ANKS1B: variants seen among roughly 807,000 people sequenced by gnomAD.
ANKS1B encodes ankyrin repeat and sterile alpha motif domain containing 1B, also known as ankyrin repeat and sterile alpha motif domain-containing protein 1B.
Under a neutral mutation model 148.3 loss-of-function variants are expected in ANKS1B, and 36 were observed. The observed-to-expected ratio is 0.24, with a 90% CI of 0.19 to 0.32. The LOEUF (loss-of-function observed/expected upper bound fraction) is 0.32, where lower values mean the gene tolerates loss of function less well. Ranked by LOEUF, ANKS1B falls within the 10% of genes least tolerant of loss-of-function variation. The probability of loss-of-function intolerance (pLI) is 1.00; values close to 1 mark genes in which losing one functional copy is unlikely to be tolerated. For missense variants in ANKS1B, 1,157 were observed against 1,542.6 expected (o/e 0.75, Z 4.19); for synonymous variants, 542 against 560.8 (o/e 0.97, Z 0.47).
intron 8 of ANKS1B, among the ~76,000 whole-genome samples, chr12:99,761,091 C>A (rs1478610273): frequency 1.4e-5 from 2 of 142,742 alleles, no homozygotes; most frequent in Non-Finnish European, 3.0e-5. Flanking sequence ...AAACCCTGGA[C>A]CAGAAGGATT....
At chr12:99,447,231 T>C (rs1302017698) in intron 10 of ANKS1B, among the ~76,000 whole-genome samples, 2 of 152,042 alleles carry the variant, frequency 1.3e-5, no homozygotes, top group African/African-American at 4.8e-5. Flanking sequence ...GGCAGCCTCT[T>C]CAATAATGGC....
intron 10 of ANKS1B, among the ~76,000 whole-genome samples, chr12:99,474,267 T>A (rs114964357): frequency 1.4e-3 from 216 of 152,234 alleles, no homozygotes; most frequent in African/African-American, 4.7e-3. Flanking sequence ...ACAGTTTGTA[T>A]AGCATTGGTA....
intron 1 of ANKS1B, among the ~76,000 whole-genome samples, chr12:99,841,348 T>C (rs1293544152): frequency 6.6e-6 from 1 of 151,994 alleles, no homozygotes; most frequent in African/African-American, 2.4e-5. Flanking sequence ...ATGAGAAGCA[T>C]CTCTACACTA....
intron 5 of ANKS1B, among the ~76,000 whole-genome samples, chr12:99,780,362 G>A (rs943324441): frequency 2.6e-5 from 4 of 151,874 alleles, no homozygotes; most frequent in African/African-American, 4.8e-5. Flanking sequence ...TGCAAGCTCC[G>A]CTTCCCAGGT....
chr12:99,945,356 A>G (rs2095035101), intron 1 of ANKS1B, among the ~76,000 whole-genome samples: 1 of 150,302 alleles, frequency 6.7e-6, no homozygotes, highest in Non-Finnish European at 1.5e-5. Context: ...AAAACCAGAA[A>G]AAAAAAAAAA....
chr12:99,775,801 C>CA (rs1213207355), intron 6 of ANKS1B, 140 bp from the exon 7 acceptor site: 18 of 462,882 alleles, frequency 3.9e-5, no homozygotes, highest in Non-Finnish European at 6.9e-5. Context: ...AAAAGAACTT[C>CA]AAAAAACCAA....
At chr12:98,957,311 A>T (rs1041790677) in intron 17 of ANKS1B, among the ~76,000 whole-genome samples, 1 of 143,874 alleles carries the variant, frequency 7.0e-6, no homozygotes, top group Non-Finnish European at 1.5e-5. Flanking sequence ...TTTTTTTTAA[A>T]TATTTATTTA....
At chr12:98,985,071 T>C (rs2153233560) in intron 17 of ANKS1B, among the ~76,000 whole-genome samples, 1 of 152,318 alleles carries the variant, frequency 6.6e-6, no homozygotes, top group South Asian at 2.1e-4. Flanking sequence ...ATATATGTGG[T>C]TTGGCTTTTA....
At chr12:99,059,793 A>ATATATATATATATATATATATATATC (rs2041748137) in intron 16 of ANKS1B, among the ~76,000 whole-genome samples, 1 of 144,086 alleles carries the variant, frequency 6.9e-6, no homozygotes, top group Non-Finnish European at 1.5e-5. Flanking sequence ...AAATTCATAT[A>ATATATATATATATATATATATATATC]TATATATATA....
chr12:98,888,497 ATTCCCCAGCTGC>A (rs1210387596), intron 17 of ANKS1B, among the ~76,000 whole-genome samples: 2 of 152,136 alleles, frequency 1.3e-5, no homozygotes, highest in African/African-American at 2.4e-5. Context: ...TCTGCTTTAC[ATTCCCCAGCTGC>A]TTCATATTGT....
At chr12:99,517,315 A>G (rs941945562) in intron 9 of ANKS1B, among the ~76,000 whole-genome samples, 1 of 151,952 alleles carries the variant, frequency 6.6e-6, no homozygotes, top group Non-Finnish European at 1.5e-5. Context: ...CAGGTTGTTC[A>G]CTGTTGGCAT....
intron 12 of ANKS1B, among the ~76,000 whole-genome samples, chr12:99,345,748 G>A (rs184843298): frequency 2.5e-3 from 385 of 151,940 alleles, no homozygotes; most frequent in African/African-American, 8.3e-3. Context: ...ATCCAGAAAC[G>A]CAAATCCTTT....
At chr12:99,530,498 T>C (rs528506587) in intron 9 of ANKS1B, among the ~76,000 whole-genome samples, 3 of 152,150 alleles carry the variant, frequency 2.0e-5, no homozygotes, top group Admixed American at 6.5e-5. Flanking sequence ...CACGTGAAAA[T>C]ACAAAGTCAG....
chr12:99,527,454 A>G (rs1449818137), intron 9 of ANKS1B, among the ~76,000 whole-genome samples: 1 of 152,232 alleles, frequency 6.6e-6, no homozygotes, highest in Non-Finnish European at 1.5e-5. Context: ...TACAGACTTT[A>G]GACTGCACAA....
At chr12:98,966,712 T>C (rs972287633) in intron 17 of ANKS1B, among the ~76,000 whole-genome samples, 2 of 151,972 alleles carry the variant, frequency 1.3e-5, no homozygotes, top group Non-Finnish European at 2.9e-5. Flanking sequence ...TGGAATACTA[T>C]GCAGCCATGA....
At chr12:99,439,392 G>A (rs2095512587) in intron 11 of ANKS1B, among the ~76,000 whole-genome samples, 1 of 151,610 alleles carries the variant, frequency 6.6e-6, no homozygotes, top group Non-Finnish European at 1.5e-5. Flanking sequence ...TATTTAGAGT[G>A]CATACACCTG....
At chr12:99,719,989 G>A (rs529322526) in intron 8 of ANKS1B, among the ~76,000 whole-genome samples, 7 of 152,258 alleles carry the variant, frequency 4.6e-5, no homozygotes, top group Non-Finnish European at 7.4e-5. Flanking sequence ...CAAGGCAAAT[G>A]GTTCTTAGAC....
chr12:98,982,129 A>C (rs577033248), intron 17 of ANKS1B, among the ~76,000 whole-genome samples: 37 of 152,360 alleles, frequency 2.4e-4, no homozygotes, highest in African/African-American at 8.2e-4. Flanking sequence ...GTGAATCAAT[A>C]CTTTAAAATA....
Position 98,744,902 on chromosome 12 carries a change from T to A in ANKS1B, c.*837A>T. ...TCCGGGCCTCCTGCTCTAGGGAGCA[T>A]CACCAGTATTTTGCCACCACTGAGC... On this transcript the variant is annotated 3_prime_UTR_variant, in exon 27 of 27. Coordinates refer to ENST00000683438, the MANE Select transcript of ANKS1B (RefSeq NM_001352186.2). The A allele has an allele frequency of 1.0e-6, 1 of 985,734 alleles. No homozygotes were observed. Among genetic ancestry groups the A allele is most frequent in the Non-Finnish European group, 1.2e-6 (1 of 829,906 alleles). 61.1% of individuals were successfully genotyped at this position (985,734 alleles called of 1,614,324 possible). A position where few individuals can be genotyped will look rare whatever the true frequency, so the allele number is the denominator to read the frequency against.
Sources: gnomAD v4.1 joint callset for allele counts (sites outside exome capture counted in the v4.1 genomes callset) on GRCh38, gnomAD v4.1.1 for gene constraint, MANE v1.5 for transcripts, NCBI Gene and HGNC (gene_info 2026-07-23, HGNC 2026-07-21) for gene names.